PARP11: variants seen among roughly 807,000 people sequenced by gnomAD.
PARP11 encodes the protein protein mono-ADP-ribosyltransferase PARP11.
In PARP11, 31 loss-of-function variants were observed where a neutral mutation model predicts 42.9. The ratio of observed to expected loss-of-function variants is 0.72; its 90% confidence interval spans 0.54 to 0.98. PARP11 has a LOEUF of 0.98. Ranked by LOEUF, PARP11 falls within the 50% of genes least tolerant of loss-of-function variation. PARP11 has a pLI of 0.00. For missense variants in PARP11, 365 were observed against 413.1 expected, an observed-to-expected ratio of 0.88 and a Z score of 1.01; for synonymous variants, 137 against 127.3, an observed-to-expected ratio of 1.08 and a Z score of -0.51.
intron 1 of PARP11, among the ~76,000 whole-genome samples, chr12:3,831,357 T>A (rs1214301273): frequency 3.3e-5 from 5 of 152,188 alleles, no homozygotes; most frequent in Non-Finnish European, 5.9e-5. Context: ...TTGATTTTTT[T>A]AACAAAGAAT....
chr12:3,866,261 G>T (rs1323284758), intron 1 of PARP11, among the ~76,000 whole-genome samples: 1 of 151,978 alleles, frequency 6.6e-6, no homozygotes, highest in Non-Finnish European at 1.5e-5. Context: ...TGGTTTCTAT[G>T]ACATGACACT....
chr12:3,843,309 C>T (rs1267550157), intron 1 of PARP11, among the ~76,000 whole-genome samples: 1 of 152,148 alleles, frequency 6.6e-6, no homozygotes, highest in Non-Finnish European at 1.5e-5. Flanking sequence ...AATGTAGATG[C>T]TACGCATTTT....
intron 3 of PARP11, 61 bp downstream of exon 3, chr12:3,828,849 G>A: frequency 6.9e-7 from 1 of 1,456,956 alleles, no homozygotes. Flanking sequence ...GACCTTCAGA[G>A]CTGTAGATTT....
At chr12:3,870,208 T>A (rs1372628574) in intron 1 of PARP11, among the ~76,000 whole-genome samples, 1 of 152,206 alleles carries the variant, frequency 6.6e-6, no homozygotes, top group African/African-American at 2.4e-5. Flanking sequence ...ACACGTAGAA[T>A]GTTGATTTTT....
intron 1 of PARP11, among the ~76,000 whole-genome samples, chr12:3,859,341 G>A (rs1414505418): frequency 6.6e-6 from 1 of 151,956 alleles, no homozygotes; most frequent in Non-Finnish European, 1.5e-5. Flanking sequence ...GAGGCGAGTG[G>A]ATCACAAGGT....
chr12:3,820,900 T>C (rs563781226), intron 6 of PARP11, among the ~76,000 whole-genome samples: 1 of 152,282 alleles, frequency 6.6e-6, no homozygotes, highest in East Asian at 1.9e-4. Context: ...AAACCTGAAA[T>C]GTACGCAGGC....
chr12:3,873,017 T>C (rs986696679), intron 1 of PARP11, among the ~76,000 whole-genome samples, 195 bp downstream of exon 1: 2 of 152,194 alleles, frequency 1.3e-5, no homozygotes, highest in Admixed American at 6.5e-5. Context: ...CAATAAAGCA[T>C]TGGAGAATCC....
Position 3,829,106 on chromosome 12 carries a change from CAT to C in PARP11, c.148-78_148-77del, listed in dbSNP as rs529002775. The C allele has an allele frequency of 7.2e-5, 110 of 1,536,988 alleles. No individual in the cohort carries two copies. The African/African-American group carries it at 1.2e-3, about 17-fold the overall frequency. ...TTGGCCACAGAGGTGGTACTGTGGT[CAT>C]AGAGACAGGGAATGGAGGGGCGAGG... On this transcript the variant is annotated intron_variant, in intron 2 of 7. Coordinates refer to ENST00000228820, the MANE Select transcript of PARP11 (RefSeq NM_020367.6).
intron 1 of PARP11, among the ~76,000 whole-genome samples, chr12:3,831,793 T>C (rs1191736246): frequency 6.6e-6 from 1 of 152,162 alleles, no homozygotes; most frequent in African/African-American, 2.4e-5. Context: ...AACCACATAA[T>C]AAAGACAATG....
At chr12:3,850,879 G>C (rs1022494658) in intron 1 of PARP11, among the ~76,000 whole-genome samples, 1 of 152,150 alleles carries the variant, frequency 6.6e-6, no homozygotes, top group Non-Finnish European at 1.5e-5. Context: ...AGAAAGAGAA[G>C]GACCAACTAT....
In PARP11 at chr12:3,840,822, AAAG is replaced by A. The variant is rs1228395826; in HGVS notation, c.19-10807_19-10805del. On this transcript the variant is annotated intron_variant, in intron 1 of 7. Transcript: ENST00000228820. This position sits in a 1 kb window ranked among gnomAD's most constrained non-coding sequence, Gnocchi z 4.4. ...CAACAGTTTCATCACCATCAAAGTC[AAAG>A]AAGTTAGAGTGCCCTTCTCCTGCAG... The A allele has an allele frequency of 2.5e-6, 4 of 1,595,116 alleles. No individual in the cohort carries two copies. Among genetic ancestry groups the A allele is most frequent in the Non-Finnish European group, 3.4e-6 (4 of 1,162,726 alleles).
At chr12:3,839,871 G>C (rs1565541846) in intron 1 of PARP11, 1 of 1,075,712 alleles carries the variant, frequency 9.3e-7, no homozygotes, top group Non-Finnish European at 1.5e-6. Flanking sequence ...AACTAGACAC[G>C]TTGGAAGTAG....
chr12:3,830,813 T>C (rs1259442632), intron 1 of PARP11, among the ~76,000 whole-genome samples: 1 of 152,168 alleles, frequency 6.6e-6, no homozygotes. Context: ...AACAAGGAAG[T>C]CAAGATTCAA....
chr12:3,845,509 T>C (rs554149784), intron 1 of PARP11, among the ~76,000 whole-genome samples: 62 of 152,326 alleles, frequency 4.1e-4, no homozygotes, highest in Middle Eastern at 3.4e-3. Flanking sequence ...CATTCAGCCA[T>C]CCTAGAAACT....
chr12:3,826,532 C>A (rs1481620409), intron 3 of PARP11, among the ~76,000 whole-genome samples: 1 of 152,190 alleles, frequency 6.6e-6, no homozygotes, highest in Non-Finnish European at 1.5e-5. Context: ...TTAGGTTAAA[C>A]AGACACTAAA....
At chr12:3,867,825 G>A (rs963256302) in intron 1 of PARP11, among the ~76,000 whole-genome samples, 3 of 152,106 alleles carry the variant, frequency 2.0e-5, no homozygotes, top group Non-Finnish European at 1.5e-5. Context: ...AAACATTCAG[G>A]CTGGTTGAAA....
rs1196839655 is a variant in PARP11 at position 3,810,822 on chromosome 12, A to C, written c.*1301T>G. On this transcript the variant is annotated 3_prime_UTR_variant, in exon 8 of 8. Coordinates refer to ENST00000228820, the MANE Select transcript of PARP11 (RefSeq NM_020367.6). The stretch of plus-strand genomic sequence containing the variant: ...AGACAGAAGAGAAGAGAAAGAAGAG[A>C]AGAGAAAGAGGAGAGAAGAGAAGGA... The C allele has an allele frequency of 6.6e-6, 1 of 152,076 alleles. No homozygotes were observed. The highest frequency in any genetic ancestry group is 1.5e-5 in the Non-Finnish European group (1 of 68,140). 9.4% of individuals were successfully genotyped at this position (152,076 alleles called of 1,614,324 possible). A position where few individuals can be genotyped will look rare whatever the true frequency, so the allele number is the denominator to read the frequency against.
chr12:3,833,243 A>C (rs1293829868), intron 1 of PARP11, among the ~76,000 whole-genome samples: 4 of 152,224 alleles, frequency 2.6e-5, no homozygotes, highest in African/African-American at 4.8e-5. Flanking sequence ...AAAGCTTAAA[A>C]ATGAACGAGA....
chr12:3,822,084 C>T lies in PARP11; in HGVS notation c.417+1G>A, dbSNP rs1363492951. 1.2e-6 allele frequency: 2 copies of T among 1,613,376 alleles called. No individual in the cohort carries two copies. Among genetic ancestry groups the T allele is most frequent in the African/African-American group, 1.3e-5 (1 of 74,888 alleles). On this transcript the variant is annotated splice_donor_variant, in intron 5 of 7. Coordinates refer to ENST00000228820, the MANE Select transcript of PARP11 (RefSeq NM_020367.6). LOFTEE classifies it high-confidence loss of function. ...GTATATTCAGTCAATTCTGCTCTTA[C>T]CTGATATGGTACTTGAGTATTCACA...
Sources: allele counts gnomAD v4.1 joint callset (sites outside exome capture counted in the v4.1 genomes callset), GRCh38; gene constraint gnomAD v4.1.1; non-coding constraint Gnocchi (gnomAD v3.1); transcripts MANE v1.5; gene names NCBI Gene and HGNC (gene_info 2026-07-23, HGNC 2026-07-21).